ASTN2: variants seen among roughly 807,000 people sequenced by gnomAD.
ASTN2 encodes the protein astrotactin 2.
ASTN2 carries 54 observed loss-of-function variants against 139.8 expected under a neutral mutation model. The observed-to-expected ratio is 0.39, with a 90% CI of 0.31 to 0.48. ASTN2 has a LOEUF of 0.48. Ranked by LOEUF, ASTN2 falls within the 20% of genes least tolerant of loss-of-function variation. The pLI is 0.95. For missense variants in ASTN2, 1,565 were observed against 1,725.1 expected (o/e 0.91, Z 1.64); for synonymous variants, 756 against 719.5 (o/e 1.05, Z -0.81).
intron 4 of ASTN2, among the ~76,000 whole-genome samples, chr9:117,126,103 C>T (rs989164411): frequency 5.3e-5 from 8 of 151,994 alleles, no homozygotes; most frequent in Admixed American, 1.3e-4. Flanking sequence ...ACACAGATGG[C>T]ATATTCTTAA....
At chr9:117,230,639 G>A (rs889272135) in intron 2 of ASTN2, among the ~76,000 whole-genome samples, 2 of 152,150 alleles carry the variant, frequency 1.3e-5, no homozygotes, top group Admixed American at 6.5e-5. Flanking sequence ...CCATTATTTA[G>A]TTGCAAGAGT....
intron 4 of ASTN2, among the ~76,000 whole-genome samples, chr9:117,099,727 C>A (rs1828928308): frequency 6.6e-6 from 1 of 152,166 alleles, no homozygotes; most frequent in East Asian, 1.9e-4. Context: ...GTAGCAGAAC[C>A]ACGATTCAAA....
rs148601803 is a variant in ASTN2, at chr9:117,298,670, GTA to G, written c.443-7159_443-7158del. 3.1e-3 allele frequency among the ~76,000 whole-genome samples: 420 copies of G among 136,460 alleles called. 1 individual carries two copies. The highest frequency in any genetic ancestry group is 8.5e-3 in the African/African-American group (311 of 36,420). 89.5% of individuals were successfully genotyped at this position (136,460 alleles called of 152,430 possible). A position where few individuals can be genotyped will look rare whatever the true frequency, so the allele number is the denominator to read the frequency against. ...TCTTGGTGTGTGTATATATATATGT[GTA>G]TATATATATATATATATATGTGCAT... On this transcript the variant is annotated intron_variant, in intron 1 of 22. Transcript: ENST00000313400.
intron 10 of ASTN2, among the ~76,000 whole-genome samples, chr9:116,968,524 G>A (rs965053259): frequency 6.6e-6 from 1 of 152,122 alleles, no homozygotes; most frequent in Middle Eastern, 3.2e-3. Context: ...AAAAGAGCAT[G>A]CATGTTCTCT....
At chr9:117,246,495 C>T (rs1338274462) in intron 2 of ASTN2, among the ~76,000 whole-genome samples, 2 of 152,190 alleles carry the variant, frequency 1.3e-5, no homozygotes, top group African/African-American at 4.8e-5. Flanking sequence ...CTGCAGAGCT[C>T]ATAGGTGGCT....
rs539032307 is a variant in ASTN2, at chr9:116,790,799, C to T, written c.2396+14833G>A. Among the ~76,000 whole-genome samples, 236 of 151,244 alleles carry T rather than the reference C, an allele frequency of 1.6e-3. 1 individual carries two copies. Among genetic ancestry groups the T allele is most frequent in the African/African-American group, 5.3e-3 (218 of 41,150 alleles). On this transcript the variant is annotated intron_variant, in intron 13 of 22. Coordinates refer to ENST00000313400, the MANE Select transcript of ASTN2 (RefSeq NM_001365068.1). The stretch of plus-strand genomic sequence containing the variant: ...AAGCGATTCTCCTGCCTCAGCCTCC[C>T]GAGTAGCTGGGATTACAGGCATGCG...
rs143760041 is a variant in ASTN2, at chr9:116,697,876, G to A, written c.2806+27895C>T. The A allele has an allele frequency of 1.7e-5, 27 of 1,614,046 alleles. No individual in the cohort carries two copies. Among genetic ancestry groups the A allele is most frequent in the South Asian group, 5.5e-5 (5 of 91,084 alleles). ...CTGCACTGTGGCCATACCATCTGCC[G>A]CCAGTGCCTGGAGAAGCTATTGGCC... On this transcript the variant is annotated intron_variant, in intron 16 of 22. Transcript: ENST00000313400.
chr9:116,501,837 A>C (rs902222462), intron 19 of ASTN2, among the ~76,000 whole-genome samples: 1 of 151,592 alleles, frequency 6.6e-6, no homozygotes, highest in Admixed American at 6.6e-5. Context: ...GCGTACCCTA[A>C]AACTTAAAGT....
intron 16 of ASTN2, chr9:116,701,127 T>G (rs1485988147): frequency 6.0e-6 from 1 of 167,116 alleles, no homozygotes; most frequent in African/African-American, 2.4e-5. Context: ...TATATCTTAC[T>G]CTAGGTGCAG....
chr9:117,211,392 G>A (rs890533838), intron 3 of ASTN2, among the ~76,000 whole-genome samples: 3 of 152,174 alleles, frequency 2.0e-5, no homozygotes, highest in African/African-American at 7.2e-5. Context: ...TGGGTCATGG[G>A]GGTAGATTTC....
At chr9:117,051,281 G>A (rs73657630) in intron 5 of ASTN2, among the ~76,000 whole-genome samples, 334 of 151,946 alleles carry the variant, frequency 2.2e-3, no homozygotes, top group African/African-American at 7.5e-3. Context: ...TTACTATGCC[G>A]GATACATTGT....
At chr9:116,447,864 A>G (rs1243092286) in intron 20 of ASTN2, among the ~76,000 whole-genome samples, 1 of 152,226 alleles carries the variant, frequency 6.6e-6, no homozygotes, top group Non-Finnish European at 1.5e-5. Flanking sequence ...CAACTGGAGT[A>G]AGTGGTCCCA....
intron 20 of ASTN2, among the ~76,000 whole-genome samples, chr9:116,454,617 T>C (rs1286358873): frequency 3.3e-5 from 5 of 152,168 alleles, no homozygotes; most frequent in Non-Finnish European, 4.4e-5. Context: ...CTATTCACGA[T>C]AGCAAAGACT....
intron 16 of ASTN2, among the ~76,000 whole-genome samples, chr9:116,678,558 T>A (rs868069332): frequency 1.5e-4 from 23 of 152,124 alleles, no homozygotes; most frequent in African/African-American, 5.6e-4. Context: ...TTCAGAGGGT[T>A]TTAAAGATTG....
chr9:117,394,962 G>A (rs1304595139), intron 1 of ASTN2, among the ~76,000 whole-genome samples: 1 of 152,192 alleles, frequency 6.6e-6, no homozygotes, highest in Non-Finnish European at 1.5e-5. Context: ...AAGAGACTGG[G>A]AGAGTGATGA....
intron 1 of ASTN2, among the ~76,000 whole-genome samples, chr9:117,304,796 AT>A (rs1834959554): frequency 6.6e-6 from 1 of 152,194 alleles, no homozygotes; most frequent in Non-Finnish European, 1.5e-5. Context: ...TTGACTTGCA[AT>A]TCCACACCAT....
At chr9:116,634,991 C>G (rs1163195279) in intron 17 of ASTN2, among the ~76,000 whole-genome samples, 1 of 152,102 alleles carries the variant, frequency 6.6e-6, no homozygotes, top group Admixed American at 6.6e-5. Flanking sequence ...CAAGAGGAAG[C>G]TACAACTAAT....
intron 11 of ASTN2, among the ~76,000 whole-genome samples, chr9:116,821,017 A>G (rs73523369): frequency 0.033 from 5,004 of 152,226 alleles, 280 homozygotes; most frequent in African/African-American, 0.11. Context: ...TAGTGTTGTG[A>G]GAATGAAGGG....
intron 10 of ASTN2, 130 bp from the exon 11 acceptor site, chr9:116,863,863 T>G: frequency 7.5e-6 from 8 of 1,063,220 alleles, no homozygotes; most frequent in Non-Finnish European, 1.1e-5. Context: ...TAATCAATAT[T>G]ATAAAAAGGA....
Sources: allele counts gnomAD v4.1 joint callset (sites outside exome capture counted in the v4.1 genomes callset), GRCh38; gene constraint gnomAD v4.1.1; transcripts MANE v1.5; gene names NCBI Gene and HGNC (gene_info 2026-07-23, HGNC 2026-07-21).